DISC1: variants seen among roughly 807,000 people sequenced by gnomAD.
DISC1 encodes the protein disrupted in schizophrenia 1 protein.
In DISC1, 57 loss-of-function variants were observed where a neutral mutation model predicts 84.5. The observed-to-expected ratio is 0.67, with a 90% confidence interval of 0.55 to 0.84. The LOEUF is 0.84. Ranked by LOEUF, DISC1 falls within the 40% of genes least tolerant of loss-of-function variation. The pLI is 0.00. For missense variants in DISC1, 1,000 were observed against 1,057.8 expected (o/e 0.95, Z 0.76); for synonymous variants, 411 against 415.2 (o/e 0.99, Z 0.12).
intron 9 of DISC1, among the ~76,000 whole-genome samples, chr1:231,882,868 G>A (rs562150332): frequency 6.6e-6 from 1 of 152,140 alleles, no homozygotes; most frequent in Non-Finnish European, 1.5e-5. Flanking sequence ...ATAATGATGG[G>A]CCTGTAGGGA....
intron 4 of DISC1, among the ~76,000 whole-genome samples, chr1:231,760,076 G>T (rs999534453): frequency 1.3e-5 from 2 of 152,144 alleles, no homozygotes; most frequent in Non-Finnish European, 2.9e-5. Context: ...TCTCTTGCCG[G>T]GTGGTCATTT....
intron 9 of DISC1, among the ~76,000 whole-genome samples, chr1:231,953,503 ACAAAGG>A (rs1425883307): frequency 1.3e-4 from 20 of 152,190 alleles, no homozygotes; most frequent in Admixed American, 1.3e-3. Context: ...AATTATCCGA[ACAAAGG>A]TTCTTTCATT....
intron 3 of DISC1, among the ~76,000 whole-genome samples, chr1:231,720,521 A>G (rs1298359885): frequency 6.6e-6 from 1 of 151,996 alleles, no homozygotes; most frequent in African/African-American, 2.4e-5. Context: ...AAAATTTTTT[A>G]TAAAGACGGG....
At chr1:231,677,056 T>G (rs887587832) in intron 1 of DISC1, among the ~76,000 whole-genome samples, 17 of 152,326 alleles carry the variant, frequency 1.1e-4, no homozygotes, top group African/African-American at 3.6e-4. Context: ...GGCGCACACA[T>G]GTAGAAGGTT....
At chr1:231,833,827 C>G (rs1223126344) in intron 9 of DISC1, among the ~76,000 whole-genome samples, 1 of 152,142 alleles carries the variant, frequency 6.6e-6, no homozygotes, top group Non-Finnish European at 1.5e-5. Context: ...GCTGCCTCTA[C>G]TCTATTATTG....
At chr1:231,849,105 G>A (rs1456057833) in intron 9 of DISC1, among the ~76,000 whole-genome samples, 3 of 146,886 alleles carry the variant, frequency 2.0e-5, no homozygotes, top group Admixed American at 7.2e-5. Flanking sequence ...ATCCTGCAAG[G>A]TGGAATTATT....
In DISC1 at chr1:232,018,939, T is replaced by C. The variant is rs575539080; in HGVS notation, c.2308-7496T>C. On this transcript the variant is annotated intron_variant, in intron 11 of 12. Coordinates refer to ENST00000439617, the MANE Select transcript of DISC1 (RefSeq NM_018662.3). Reference sequence around the variant, plus strand: ...AAAGGTTCTTCTTGTTGGTTTTCCTTCCTGGCTCTTTATACTTGGGTGAAA... The same window carrying C: ...AAAGGTTCTTCTTGTTGGTTTTCCTCCCTGGCTCTTTATACTTGGGTGAAA... 3.3e-5 allele frequency among the ~76,000 whole-genome samples: 5 copies of C among 152,330 alleles called. 1 individual carries two copies. In the South Asian group the frequency reaches 1.0e-3, roughly 32 times the overall value.
intron 8 of DISC1, among the ~76,000 whole-genome samples, chr1:231,801,914 G>A (rs1221899509): frequency 6.6e-6 from 1 of 151,638 alleles, no homozygotes; most frequent in African/African-American, 2.4e-5. Context: ...TGCCTCCTGG[G>A]TTCATACCAT....
chr1:232,005,010 TTCCC>T (rs1427356094), intron 10 of DISC1, among the ~76,000 whole-genome samples: 12 of 114,086 alleles, frequency 1.1e-4, no homozygotes, highest in African/African-American at 2.5e-4. Context: ...CCTTCCTTCC[TTCCC>T]TCTCTCCCTC....
chr1:231,680,752 G>C (rs1257823079), intron 1 of DISC1, among the ~76,000 whole-genome samples: 1 of 152,134 alleles, frequency 6.6e-6, no homozygotes, highest in African/African-American at 2.4e-5. Flanking sequence ...GTTTCTGTGT[G>C]AAATACTGAA....
intron 9 of DISC1, among the ~76,000 whole-genome samples, chr1:231,911,294 G>C (rs906835005): frequency 7.2e-5 from 11 of 152,204 alleles, no homozygotes; most frequent in Non-Finnish European, 1.3e-4. Context: ...AATTTGGCAT[G>C]TTTTTGCAGT....
At chr1:231,770,086 T>C (rs2076439050) in intron 5 of DISC1, among the ~76,000 whole-genome samples, 1 of 152,142 alleles carries the variant, frequency 6.6e-6, no homozygotes, top group Non-Finnish European at 1.5e-5. Context: ...GTTGCACTCT[T>C]ATCCCCACAA....
chr1:231,793,572 AC>A (rs1272540505), intron 6 of DISC1, among the ~76,000 whole-genome samples: 1 of 152,012 alleles, frequency 6.6e-6, no homozygotes, highest in Non-Finnish European at 1.5e-5. Context: ...GGGCCCATGG[AC>A]CCCATGACGG....
chr1:231,951,711 G>A (rs537564764), intron 9 of DISC1, among the ~76,000 whole-genome samples: 144 of 152,262 alleles, frequency 9.5e-4, no homozygotes, highest in African/African-American at 3.2e-3. Context: ...CACGGGCAGC[G>A]TGATATTCAC....
intron 12 of DISC1, among the ~76,000 whole-genome samples, chr1:232,029,211 C>T (rs754207243): frequency 3.3e-5 from 5 of 152,116 alleles, no homozygotes; most frequent in Non-Finnish European, 5.9e-5. Context: ...TCTCTCCCTC[C>T]CTCCAATAAA....
chr1:231,862,083 G>A (rs929493719), intron 9 of DISC1, among the ~76,000 whole-genome samples: 1 of 152,164 alleles, frequency 6.6e-6, no homozygotes, highest in Non-Finnish European at 1.5e-5. Context: ...TCACCAGGAG[G>A]ATGGCTCCAG....
chr1:231,829,290 A>G (rs2082059093), intron 9 of DISC1, among the ~76,000 whole-genome samples: 1 of 152,222 alleles, frequency 6.6e-6, no homozygotes, highest in East Asian at 1.9e-4. Flanking sequence ...TTATTAGTAT[A>G]ATAACAGAGT....
intron 10 of DISC1, among the ~76,000 whole-genome samples, chr1:231,968,775 G>A (rs565880946): frequency 1.5e-4 from 23 of 152,132 alleles, no homozygotes; most frequent in African/African-American, 5.3e-4. Flanking sequence ...GGCCTCATGA[G>A]TAACCCCTCT....
At chr1:231,654,622 C>CTA (rs2060909597) in intron 1 of DISC1, among the ~76,000 whole-genome samples, 2 of 152,324 alleles carry the variant, frequency 1.3e-5, no homozygotes, top group East Asian at 3.9e-4. Context: ...CCATCCACTT[C>CTA]TACCCTTGCC....
Sources: allele counts gnomAD v4.1 joint callset (sites outside exome capture counted in the v4.1 genomes callset), GRCh38; gene constraint gnomAD v4.1.1; transcripts MANE v1.5; gene names NCBI Gene and HGNC (gene_info 2026-07-23, HGNC 2026-07-21).